Variants in PRKCA observed in about 807,000 individuals in gnomAD.
The protein encoded by PRKCA is protein kinase C alpha.
PRKCA carries 27 observed loss-of-function variants against 87.0 expected under a neutral mutation model. That is an observed-to-expected ratio of 0.31 (90% CI 0.23 to 0.43). PRKCA has a LOEUF of 0.43. Among genes scored for constraint, PRKCA ranks in the 20% least tolerant of loss-of-function variants. The pLI is 1.00. For missense variants in PRKCA, 518 were observed against 852.3 expected (o/e 0.61, Z 4.88); for synonymous variants, 329 against 311.1 (o/e 1.06, Z -0.61).
intron 14 of PRKCA, chr17:66,778,113 A>T (rs1365795069): frequency 2.0e-6 from 2 of 985,296 alleles, no homozygotes; most frequent in Non-Finnish European, 2.4e-6. Context: ...TCCAGCTCTC[A>T]ATAGTTCTGC....
At chr17:66,721,395 CAA>C (rs55795871) in intron 8 of PRKCA, among the ~76,000 whole-genome samples, 4,614 of 98,184 alleles carry the variant, frequency 0.047, 259 homozygotes, top group African/African-American at 0.15. Flanking sequence ...GATTCCGTCT[CAA>C]AAAAAAAAAA....
chr17:66,634,379 T>TGA (rs1285275885), intron 3 of PRKCA, among the ~76,000 whole-genome samples: 1 of 152,222 alleles, frequency 6.6e-6, no homozygotes, highest in Non-Finnish European at 1.5e-5. Flanking sequence ...TTGTGACATA[T>TGA]GACAGCAGGT....
chr17:66,501,188 G>A (rs1288036421), intron 3 of PRKCA, among the ~76,000 whole-genome samples: 2 of 152,156 alleles, frequency 1.3e-5, no homozygotes, highest in South Asian at 2.1e-4. Context: ...GTAGCCAGAT[G>A]GGAAGACATT....
chr17:66,801,947 G>A (rs1425359708), intron 16 of PRKCA, among the ~76,000 whole-genome samples: 5 of 152,202 alleles, frequency 3.3e-5, no homozygotes, highest in African/African-American at 7.2e-5. Context: ...GAGGCTGGAC[G>A]CGGTGGCTCA....
At chr17:66,622,011 G>A (rs779306586) in intron 3 of PRKCA, among the ~76,000 whole-genome samples, 4 of 149,380 alleles carry the variant, frequency 2.7e-5, no homozygotes, top group East Asian at 2.0e-4. Flanking sequence ...GGATCAGCCC[G>A]GGCAACATAG....
intron 2 of PRKCA, among the ~76,000 whole-genome samples, chr17:66,336,753 TTTG>T (rs1034588753): frequency 1.9e-5 from 2 of 106,108 alleles, no homozygotes; most frequent in Admixed American, 1.9e-4. Flanking sequence ...TGCAAATAAG[TTTG>T]TGTGTGTGTG....
At chr17:66,780,405 G>A (rs999034071) in intron 14 of PRKCA, among the ~76,000 whole-genome samples, 6 of 152,138 alleles carry the variant, frequency 3.9e-5, no homozygotes, top group African/African-American at 9.7e-5. Flanking sequence ...GGCTGGGTAC[G>A]GTGGTTCACA....
In PRKCA at chr17:66,781,866, G is replaced by GATATATATATATAT. The variant is rs766995438; in HGVS notation, c.1606-5000_1606-4999insTATATATATATATA. Among the ~76,000 whole-genome samples the GATATATATATATAT allele has an allele frequency of 1.6e-4, 21 of 132,842 alleles. 2 individuals are homozygous for GATATATATATATAT. The highest frequency in any genetic ancestry group is 6.0e-4 in the African/African-American group (18 of 30,060). 87.1% of individuals were successfully genotyped at this position (132,842 alleles called of 152,430 possible). ...AAATTTTGTGAGAGAGAGAGAGAGA[G>GATATATATATATAT]AGATATATATATATATATATAGTGT... On this transcript the variant is annotated intron_variant, in intron 14 of 16. Coordinates refer to ENST00000413366, the MANE Select transcript of PRKCA (RefSeq NM_002737.3).
At chr17:66,653,892 A>G (rs959484515) in intron 5 of PRKCA, among the ~76,000 whole-genome samples, 2 of 152,134 alleles carry the variant, frequency 1.3e-5, no homozygotes, top group Admixed American at 1.3e-4. Flanking sequence ...AGAAAAGTCC[A>G]TAATAAGAGG....
chr17:66,392,501 G>T (rs142048980), intron 2 of PRKCA, among the ~76,000 whole-genome samples: 6 of 152,194 alleles, frequency 3.9e-5, no homozygotes, highest in African/African-American at 1.4e-4. Flanking sequence ...TGATTTTTAT[G>T]ATTCCTCTGT....
chr17:66,305,480 C>T (rs61762374), intron 1 of PRKCA, among the ~76,000 whole-genome samples: 1,601 of 152,258 alleles, frequency 0.011, 49 homozygotes, highest in East Asian at 0.1. Context: ...TGTACAAGAA[C>T]AAAATAGCCT....
intron 2 of PRKCA, among the ~76,000 whole-genome samples, chr17:66,362,046 CTTTT>C (rs908681457): frequency 2.0e-5 from 3 of 151,504 alleles, no homozygotes; most frequent in African/African-American, 4.9e-5. Flanking sequence ...TTCTTTCTTT[CTTTT>C]TTGATACGGA....
chr17:66,578,730 G>C (rs1289311415), intron 3 of PRKCA, among the ~76,000 whole-genome samples: 2 of 152,172 alleles, frequency 1.3e-5, no homozygotes. Flanking sequence ...TCTGCATCCT[G>C]GGCCTGTGGT....
intron 2 of PRKCA, among the ~76,000 whole-genome samples, chr17:66,335,608 G>A: frequency 6.6e-6 from 1 of 151,782 alleles, no homozygotes. Flanking sequence ...AAAGAACTGT[G>A]TGCTTAAAAA....
At chr17:66,578,121 C>T (rs760200012) in intron 3 of PRKCA, among the ~76,000 whole-genome samples, 16 of 148,984 alleles carry the variant, frequency 1.1e-4, no homozygotes, top group East Asian at 9.9e-4. Context: ...AGCCAGCTAA[C>T]GAGAGACTGA....
intron 8 of PRKCA, among the ~76,000 whole-genome samples, chr17:66,723,664 G>A (rs1043501634): frequency 6.6e-6 from 1 of 151,864 alleles, no homozygotes; most frequent in Non-Finnish European, 1.5e-5. Flanking sequence ...TGACGACCAG[G>A]GTGGAGGGAA....
chr17:66,760,638 C>T (rs752277292), intron 13 of PRKCA, among the ~76,000 whole-genome samples: 2 of 152,092 alleles, frequency 1.3e-5, no homozygotes, highest in Non-Finnish European at 2.9e-5. Context: ...AATTGATAAG[C>T]CTCAAGTCAA....
intron 2 of PRKCA, among the ~76,000 whole-genome samples, chr17:66,450,336 G>A (rs1294272093): frequency 6.6e-6 from 1 of 152,194 alleles, no homozygotes; most frequent in Non-Finnish European, 1.5e-5. Context: ...CAGTCTCCTT[G>A]TCTGGAAGTA....
intron 3 of PRKCA, among the ~76,000 whole-genome samples, chr17:66,635,248 ATGATGAATT>A (rs148707593): frequency 0.055 from 8,353 of 152,232 alleles, 294 homozygotes; most frequent in Admixed American, 0.079. Context: ...GATCATTTCC[ATGATGAATT>A]TGATGAATTT....
Sources: allele counts gnomAD v4.1 joint callset (sites outside exome capture counted in the v4.1 genomes callset), GRCh38; gene constraint gnomAD v4.1.1; transcripts MANE v1.5; gene names NCBI Gene and HGNC (gene_info 2026-07-23, HGNC 2026-07-21).